REL: variants seen among roughly 807,000 people sequenced by gnomAD.
REL encodes the protein REL proto-oncogene, NF-kB subunit, also known as proto-oncogene c-Rel.
Under a neutral mutation model 45.9 loss-of-function variants are expected in REL, and 15 were observed. The observed-to-expected ratio is 0.33, with a 90% CI of 0.22 to 0.50. The LOEUF (loss-of-function observed/expected upper bound fraction) is 0.50, where lower values mean the gene tolerates loss of function less well. Among genes scored for constraint, REL ranks in the 20% least tolerant of loss-of-function variants. The probability of loss-of-function intolerance (pLI) is 0.98; values close to 1 mark genes in which losing one functional copy is unlikely to be tolerated. For missense variants in REL, 601 were observed against 715.2 expected, an observed-to-expected ratio of 0.84 and a Z score of 1.82; for synonymous variants, 239 against 242.1, an observed-to-expected ratio of 0.99 and a Z score of 0.12.
At chr2:60,911,387 C>T (rs1333235134) in intron 4 of REL, 1 of 152,154 alleles carries the variant, frequency 6.6e-6, no homozygotes. Flanking sequence ...TAATATCCTG[C>T]TGTCATGACT....
At chr2:60,891,093 A>C (rs767047309) in intron 1 of REL, among the ~76,000 whole-genome samples, 7 of 152,196 alleles carry the variant, frequency 4.6e-5, no homozygotes, top group Non-Finnish European at 8.8e-5. Flanking sequence ...TTTGAGCCTA[A>C]AGTCCCTCCT....
Position 60,918,537 on chromosome 2 carries a change from C to A in REL, c.784C>A (p.Gln262Lys). The A allele has an allele frequency of 6.2e-7, 1 of 1,614,038 alleles. No individual in the cohort carries two copies. The highest frequency in any genetic ancestry group is 8.5e-7 in the Non-Finnish European group (1 of 1,179,948). Reference sequence around the variant, plus strand: ...CACAGAACCCGTAACAGTAAAAATGCAGTTGCGGAGACCTTCTGACCAGGA... The same window carrying A: ...CACAGAACCCGTAACAGTAAAAATGAAGTTGCGGAGACCTTCTGACCAGGA... ...AITEPVTVKM[Q>K]LRRPSDQEVS... Residue 262 changes from glutamine to lysine, a missense_variant, in exon 7 of 10, where the codon CAG becomes AAG. Coordinates refer to ENST00000394479, the MANE Select transcript of REL (RefSeq NM_001291746.2).
chr2:60,885,723 A>G (rs1673055592), intron 1 of REL, among the ~76,000 whole-genome samples: 1 of 152,180 alleles, frequency 6.6e-6, no homozygotes, highest in African/African-American at 2.4e-5. Context: ...ATATATTGTT[A>G]GCTCCATTGG....
chr2:60,907,879 A>G (rs1303984699), intron 4 of REL, among the ~76,000 whole-genome samples: 1 of 151,304 alleles, frequency 6.6e-6, no homozygotes, highest in Non-Finnish European at 1.5e-5. Context: ...TTTTTAGTAG[A>G]GACAGGGTTC....
chr2:60,891,611 A>G (rs977888181), intron 1 of REL, 72 bp from the exon 2 acceptor site: 2 of 1,303,456 alleles, frequency 1.5e-6, no homozygotes, highest in South Asian at 3.4e-5. Flanking sequence ...TATAAAAAAA[A>G]CAGAATGTTA....
At chr2:60,894,602 T>C in intron 3 of REL, 57 bp downstream of exon 3, 1 of 1,306,476 alleles carries the variant, frequency 7.7e-7, no homozygotes, top group Non-Finnish European at 1.0e-6. Context: ...GATGTTCTGT[T>C]TCTTCTCCAT....
chr2:60,915,803 T>C (rs1266219660), intron 4 of REL, among the ~76,000 whole-genome samples: 1 of 152,232 alleles, frequency 6.6e-6, no homozygotes, highest in African/African-American at 2.4e-5. Context: ...AACAAACTAT[T>C]ATACTATATT....
Position 60,927,114 on chromosome 2 carries a change from C to A in REL, c.*4579C>A, listed in dbSNP as rs1307684920. 1.3e-5 allele frequency: 3 copies of A among 226,290 alleles called. No homozygotes were observed. The highest frequency in any genetic ancestry group is 2.6e-5 in the Non-Finnish European group (3 of 113,820). The allele number at this position is 226,290 out of a possible 1,614,324, so 14.0% of individuals were successfully genotyped here. On this transcript the variant is annotated 3_prime_UTR_variant, in exon 10 of 10. Coordinates refer to ENST00000394479, the MANE Select transcript of REL (RefSeq NM_001291746.2). ...TGTACATGCCTGTATTACGGACATC[C>A]TCTTATTTAAGTGTTTGTCTCTTTC...
intron 4 of REL, among the ~76,000 whole-genome samples, chr2:60,906,910 T>G (rs1673672078): frequency 1.1e-5 from 1 of 89,044 alleles, no homozygotes; most frequent in Non-Finnish European, 2.4e-5. Context: ...TATATATATA[T>G]ATATTTTTTT....
At chr2:60,892,418 T>A (rs1171626426) in intron 2 of REL, among the ~76,000 whole-genome samples, 1 of 152,194 alleles carries the variant, frequency 6.6e-6, no homozygotes, top group Non-Finnish European at 1.5e-5. Flanking sequence ...TTATAAGATG[T>A]ACTAAATTTA....
At chr2:60,921,672 T>A (rs1674143493) in intron 9 of REL, 91 bp from the exon 10 acceptor site, 5 of 1,102,904 alleles carry the variant, frequency 4.5e-6, no homozygotes, top group Non-Finnish European at 5.2e-6. Context: ...TTTCTTTATA[T>A]ATATTTGTGT....
chr2:60,891,973 A>AT, intron 2 of REL, 148 bp downstream of exon 2: 2 of 729,688 alleles, frequency 2.7e-6, no homozygotes, highest in Non-Finnish European at 2.1e-6. Context: ...CGGATCTGTC[A>AT]AAAAGACATC....
In REL at chr2:60,927,759, C is replaced by G; in HGVS notation, c.*5224C>G. On this transcript the variant is annotated 3_prime_UTR_variant, in exon 10 of 10. Coordinates refer to ENST00000394479, the MANE Select transcript of REL (RefSeq NM_001291746.2). Reference sequence around the variant, plus strand: ...TGTAGAGTAAAATGCATAAAGGGGACTAATTTTAAATGTACAGCTTAATTA... The same window carrying G: ...TGTAGAGTAAAATGCATAAAGGGGAGTAATTTTAAATGTACAGCTTAATTA... 1 of 229,194 alleles carries G rather than the reference C, an allele frequency of 4.4e-6. No individual in the cohort carries two copies. The highest frequency in any genetic ancestry group is 8.7e-6 in the Non-Finnish European group (1 of 115,472). 14.2% of individuals were successfully genotyped at this position (229,194 alleles called of 1,614,324 possible). A position where few individuals can be genotyped will look rare whatever the true frequency, so the allele number is the denominator to read the frequency against.
Position 60,890,311 on chromosome 2 carries a change from G to A in REL, c.11-1372G>A, listed in dbSNP as rs368719737. Among the ~76,000 whole-genome samples, 57 of 152,292 alleles carry A rather than the reference G, an allele frequency of 3.7e-4. 1 individual carries two copies. The South Asian group carries it at 0.011, about 28-fold the overall frequency. ...TGTCATCTTCACAACAACCCAATGA[G>A]GTAGGTGCTATTATGATTATTCCTA... On this transcript the variant is annotated intron_variant, in intron 1 of 9. Transcript: ENST00000394479.
intron 4 of REL, chr2:60,911,444 T>C (rs2103967978): frequency 6.6e-6 from 1 of 152,234 alleles, no homozygotes; most frequent in South Asian, 2.1e-4. Flanking sequence ...TTTTGGAGAC[T>C]GAATAAAAAA....
chr2:60,905,163 C>T (rs1250305869), intron 4 of REL, among the ~76,000 whole-genome samples: 1 of 152,132 alleles, frequency 6.6e-6, no homozygotes, highest in Non-Finnish European at 1.5e-5. Flanking sequence ...GGCACGATCT[C>T]GGCTCACTGC....
intron 1 of REL, among the ~76,000 whole-genome samples, chr2:60,890,793 C>T (rs1319062517): frequency 6.6e-6 from 1 of 152,166 alleles, no homozygotes; most frequent in Admixed American, 6.5e-5. Context: ...CCTGCCTTTC[C>T]TATCCACCAT....
Position 60,920,029 on chromosome 2 carries a change from C to T in REL, c.854-12C>T, listed in dbSNP as rs112994201. ...AATTTTTTATCTGCTTTCCTGGTTT[C>T]TTTCTAATCAGATACTTACGGCAAT... On this transcript the variant is annotated splice_polypyrimidine_tract_variant and intron_variant, in intron 7 of 9. Coordinates refer to ENST00000394479, the MANE Select transcript of REL (RefSeq NM_001291746.2). The T allele has an allele frequency of 1.9e-6, 3 of 1,584,034 alleles. No homozygotes were observed. The highest frequency in any genetic ancestry group is 2.7e-5 in the African/African-American group (2 of 73,544).
At chr2:60,894,177 T>C (rs755840235) in intron 2 of REL, among the ~76,000 whole-genome samples, 2 of 152,150 alleles carry the variant, frequency 1.3e-5, no homozygotes, top group Non-Finnish European at 1.5e-5. Flanking sequence ...ATATGACCAA[T>C]TGAAATTAGG....
Sources: allele counts gnomAD v4.1 joint callset (sites outside exome capture counted in the v4.1 genomes callset), GRCh38; gene constraint gnomAD v4.1.1; transcripts MANE v1.5; gene names NCBI Gene and HGNC (gene_info 2026-07-23, HGNC 2026-07-21).